Variants in SIPA1L1 observed in about 807,000 individuals in gnomAD.
SIPA1L1 encodes signal induced proliferation associated 1 like 1, also known as signal-induced proliferation-associated 1-like protein 1.
A neutral mutation model predicts 162.7 loss-of-function variants in SIPA1L1; 26 were observed. The ratio of observed to expected loss-of-function variants is 0.16; its 90% CI spans 0.12 to 0.22. SIPA1L1 has a LOEUF of 0.22. Among genes scored for constraint, SIPA1L1 ranks in the 10% least tolerant of loss-of-function variants. The pLI, the probability that SIPA1L1 is intolerant of heterozygous loss-of-function variation, is 1.00. For missense variants in SIPA1L1, 1,874 were observed against 2,241.0 expected, an observed-to-expected ratio of 0.84 and a Z score of 3.31; for synonymous variants, 829 against 837.4, an observed-to-expected ratio of 0.99 and a Z score of 0.17.
At chr14:71,650,258 A>C in intron 7 of SIPA1L1, 77 bp from the exon 8 acceptor site, 1 of 1,441,012 alleles carries the variant, frequency 6.9e-7, no homozygotes, top group Non-Finnish European at 9.8e-7. Flanking sequence ...CATGTGCCCT[A>C]TAGGACCTTT....
rs142697275 is a variant in SIPA1L1, at chr14:71,401,467, G to A, written c.-465+80286G>A. On this transcript the variant is annotated intron_variant, in intron 2 of 23. Transcript: ENST00000381232. ...TATGACGTATTTTTCTTTGTTGTTC[G>A]TCTGTTTGTTCAACTCTGCAGTTAT... Among the ~76,000 whole-genome samples, 506 of 148,588 alleles carry A rather than the reference G, an allele frequency of 3.4e-3. 7 individuals are homozygous for A. Among genetic ancestry groups the A allele is most frequent in the Admixed American group, 0.028 (414 of 14,878 alleles).
chr14:71,465,469 GTAT>G (rs965340647), intron 2 of SIPA1L1, among the ~76,000 whole-genome samples: 2 of 152,224 alleles, frequency 1.3e-5, no homozygotes, highest in African/African-American at 4.8e-5. Context: ...TCCACATATG[GTAT>G]TATGTAGTCA....
intron 10 of SIPA1L1, among the ~76,000 whole-genome samples, chr14:71,662,507 GC>G (rs1292031228): frequency 2.6e-5 from 4 of 152,196 alleles, no homozygotes; most frequent in Non-Finnish European, 5.9e-5. Flanking sequence ...TGAAATTTCA[GC>G]CAGGTCACTT....
chr14:71,714,588 T>C (rs911727356), intron 17 of SIPA1L1, among the ~76,000 whole-genome samples: 7 of 150,762 alleles, frequency 4.6e-5, no homozygotes, highest in African/African-American at 1.7e-4. Flanking sequence ...TTTCTCTCTT[T>C]TTTTTTTTAA....
At chr14:71,666,771 C>G (rs1396447112) in intron 10 of SIPA1L1, among the ~76,000 whole-genome samples, 17 of 151,540 alleles carry the variant, frequency 1.1e-4, no homozygotes, top group Non-Finnish European at 1.9e-4. Context: ...TGCTTGACAT[C>G]CACTTAAAAT....
At chr14:71,333,783 C>G (rs915846060) in intron 2 of SIPA1L1, among the ~76,000 whole-genome samples, 2 of 152,112 alleles carry the variant, frequency 1.3e-5, no homozygotes, top group Admixed American at 6.5e-5. Context: ...GAGTGACACT[C>G]TGTTGTGTAG....
chr14:71,673,978 C>G (rs1273593426), intron 12 of SIPA1L1, among the ~76,000 whole-genome samples: 2 of 152,214 alleles, frequency 1.3e-5, no homozygotes, highest in Admixed American at 6.5e-5. Context: ...GGGGTTCTTG[C>G]TTATGACAGT....
intron 2 of SIPA1L1, among the ~76,000 whole-genome samples, chr14:71,465,069 G>A (rs2046891766): frequency 6.6e-6 from 1 of 152,202 alleles, no homozygotes; most frequent in African/African-American, 2.4e-5. Flanking sequence ...AGGTGGGGAT[G>A]TTGCCGCTAC....
intron 20 of SIPA1L1, among the ~76,000 whole-genome samples, chr14:71,731,557 T>G (rs1378819179): frequency 6.6e-6 from 1 of 152,252 alleles, no homozygotes; most frequent in African/African-American, 2.4e-5. Context: ...TATTCCTGCC[T>G]TACTTTGATT....
At chr14:71,724,640 T>C in intron 18 of SIPA1L1, 30 bp from the exon 19 acceptor site, 1 of 1,596,938 alleles carries the variant, frequency 6.3e-7, no homozygotes, top group Admixed American at 1.8e-5. Context: ...GTTGAGTTGG[T>C]ATCTATCATC....
chr14:71,450,979 T>C (rs2045775396), intron 2 of SIPA1L1, among the ~76,000 whole-genome samples: 1 of 152,214 alleles, frequency 6.6e-6, no homozygotes, highest in Non-Finnish European at 1.5e-5. Context: ...TTATTCATGA[T>C]AGCCAAGATA....
chr14:71,354,039 CA>C (rs1356679314), intron 2 of SIPA1L1, among the ~76,000 whole-genome samples: 1 of 151,952 alleles, frequency 6.6e-6, no homozygotes, highest in Non-Finnish European at 1.5e-5. Flanking sequence ...ATGAAATACT[CA>C]AACAATTTTT....
chr14:71,656,611 G>A (rs1170957956), intron 8 of SIPA1L1, among the ~76,000 whole-genome samples: 1 of 152,140 alleles, frequency 6.6e-6, no homozygotes, highest in Non-Finnish European at 1.5e-5. Flanking sequence ...TTTATATGTT[G>A]TTACATAGTT....
intron 17 of SIPA1L1, among the ~76,000 whole-genome samples, chr14:71,714,231 C>G (rs1007175828): frequency 6.6e-6 from 1 of 152,194 alleles, no homozygotes; most frequent in African/African-American, 2.4e-5. Context: ...TATCCAGAAC[C>G]AGTTACTTTT....
intron 2 of SIPA1L1, among the ~76,000 whole-genome samples, chr14:71,445,106 G>A (rs1185927908): frequency 6.6e-6 from 1 of 152,210 alleles, no homozygotes; most frequent in African/African-American, 2.4e-5. Context: ...ATTATAGTTA[G>A]TGGAAGACAA....
chr14:71,503,067 C>A (rs2050384338), intron 2 of SIPA1L1, among the ~76,000 whole-genome samples: 1 of 152,074 alleles, frequency 6.6e-6, no homozygotes, highest in Non-Finnish European at 1.5e-5. Flanking sequence ...ATGTCCCTGA[C>A]CTCTATTGAA....
chr14:71,408,472 C>T (rs1050043771), intron 2 of SIPA1L1, among the ~76,000 whole-genome samples: 1 of 152,104 alleles, frequency 6.6e-6, no homozygotes, highest in African/African-American at 2.4e-5. Context: ...ACAAAAACAA[C>T]GAGTAATAAG....
chr14:71,356,185 A>G (rs994879517), intron 2 of SIPA1L1, among the ~76,000 whole-genome samples: 4 of 152,006 alleles, frequency 2.6e-5, no homozygotes, highest in African/African-American at 4.8e-5. Flanking sequence ...GAACCTAATT[A>G]ACATGTCTGC....
chr14:71,526,017 T>C (rs927360855), intron 3 of SIPA1L1, among the ~76,000 whole-genome samples: 1 of 152,190 alleles, frequency 6.6e-6, no homozygotes, highest in Admixed American at 6.5e-5. Context: ...AAGAGGAGTT[T>C]AGTTGCAATG....
Sources: gnomAD v4.1 joint callset for allele counts (sites outside exome capture counted in the v4.1 genomes callset) on GRCh38, gnomAD v4.1.1 for gene constraint, MANE v1.5 for transcripts, NCBI Gene and HGNC (gene_info 2026-07-23, HGNC 2026-07-21) for gene names.